Variants in GRID2 observed in about 807,000 individuals in gnomAD.
GRID2 encodes the protein glutamate ionotropic receptor delta type subunit 2, also known as glutamate receptor ionotropic, delta-2.
GRID2 carries 33 observed loss-of-function variants against 114.8 expected under a neutral mutation model. The ratio of observed to expected loss-of-function variants is 0.29; its 90% CI spans 0.22 to 0.38. GRID2 has a LOEUF of 0.38. Among genes scored for constraint, GRID2 ranks in the 10% least tolerant of loss-of-function variants. The pLI, the probability that GRID2 is intolerant of heterozygous loss-of-function variation, is 1.00. For missense variants in GRID2, 1,184 were observed against 1,257.7 expected, an observed-to-expected ratio of 0.94 and a Z score of 0.89; for synonymous variants, 505 against 449.9, an observed-to-expected ratio of 1.12 and a Z score of -1.55.
intron 2 of GRID2, among the ~76,000 whole-genome samples, chr4:92,641,159 A>G (rs1173847889): frequency 6.6e-6 from 1 of 151,800 alleles, no homozygotes; most frequent in Non-Finnish European, 1.5e-5. Context: ...CCTGGTATGG[A>G]GGAGATGAAC....
intron 2 of GRID2, among the ~76,000 whole-genome samples, chr4:92,663,563 C>T (rs1732622964): frequency 6.6e-6 from 1 of 151,094 alleles, no homozygotes; most frequent in African/African-American, 2.4e-5. Context: ...TTTTTGGAAG[C>T]ATCAATTTCA....
Position 92,706,394 on chromosome 4 carries a change from G to T in GRID2, c.244+116108G>T, listed in dbSNP as rs564563318. Among the ~76,000 whole-genome samples, 4 of 152,246 alleles carry T rather than the reference G, an allele frequency of 2.6e-5. No individual in the cohort carries two copies. The South Asian group carries it at 8.3e-4, about 32-fold the overall frequency. On this transcript the variant is annotated intron_variant, in intron 2 of 15. Transcript: ENST00000282020. ...ACTGATGTTTGTTATTTTAATAAAT[G>T]TCATGTGTATGGAGAGGTATCATCA...
chr4:93,543,522 G>A (rs1158217438), intron 13 of GRID2, among the ~76,000 whole-genome samples: 2 of 152,162 alleles, frequency 1.3e-5, no homozygotes, highest in African/African-American at 4.8e-5. Flanking sequence ...CAGCATGAAT[G>A]AGTGAAAATA....
intron 2 of GRID2, among the ~76,000 whole-genome samples, chr4:92,954,203 A>T (rs1752224333): frequency 6.6e-6 from 1 of 152,072 alleles, no homozygotes; most frequent in South Asian, 2.1e-4. Context: ...GTGTGTGTGT[A>T]TATATGTATA....
chr4:92,723,440 A>G (rs1735907015), intron 2 of GRID2, among the ~76,000 whole-genome samples: 2 of 152,180 alleles, frequency 1.3e-5, no homozygotes, highest in African/African-American at 4.8e-5. Flanking sequence ...GCATTTGAAC[A>G]AGAATAATGA....
intron 1 of GRID2, among the ~76,000 whole-genome samples, chr4:92,432,456 A>G (rs1732509073): frequency 6.6e-6 from 1 of 152,006 alleles, no homozygotes; most frequent in African/African-American, 2.4e-5. Context: ...AGCCAACCTG[A>G]AAGACAATGG....
intron 14 of GRID2, among the ~76,000 whole-genome samples, chr4:93,674,529 CCT>C (rs1472404848): frequency 6.6e-6 from 1 of 151,806 alleles, no homozygotes; most frequent in African/African-American, 2.4e-5. Flanking sequence ...CATTTCATTC[CCT>C]GTTTTGATTT....
At chr4:92,392,111 G>A (rs998615292) in intron 1 of GRID2, among the ~76,000 whole-genome samples, 1 of 152,080 alleles carries the variant, frequency 6.6e-6, no homozygotes, top group Non-Finnish European at 1.5e-5. Flanking sequence ...ATTGACCTAG[G>A]ATGCACTTCA....
rs571223234 is a variant in GRID2, at chr4:93,018,189, TATTTTA to T, written c.245-66798_245-66793del. Among the ~76,000 whole-genome samples, 392 of 149,598 alleles carry T rather than the reference TATTTTA, an allele frequency of 2.6e-3. 2 individuals are homozygous for T. Among genetic ancestry groups the T allele is most frequent in the African/African-American group, 9.3e-3 (373 of 40,306 alleles). ...TGCAATTTATGAAGAATAATTGTTT[TATTTTA>T]ATTTTAAGTTCCCAGTGTATTTTGT... On this transcript the variant is annotated intron_variant, in intron 2 of 15. Transcript: ENST00000282020.
intron 2 of GRID2, among the ~76,000 whole-genome samples, chr4:92,754,023 C>T (rs907702369): frequency 2.0e-5 from 3 of 152,168 alleles, no homozygotes; most frequent in African/African-American, 7.2e-5. Context: ...AAAACAACAA[C>T]ATAAACACAA....
intron 4 of GRID2, among the ~76,000 whole-genome samples, chr4:93,163,828 G>A (rs1414559659): frequency 6.6e-6 from 1 of 151,916 alleles, no homozygotes; most frequent in Non-Finnish European, 1.5e-5. Flanking sequence ...ACCTGCAAAT[G>A]CCCCTGTAAC....
At chr4:92,649,224 T>C (rs1173003235) in intron 2 of GRID2, among the ~76,000 whole-genome samples, 8 of 124,644 alleles carry the variant, frequency 6.4e-5, no homozygotes, top group Non-Finnish European at 8.6e-5. Context: ...CATATGACTA[T>C]GGAGGTAGAG....
intron 2 of GRID2, among the ~76,000 whole-genome samples, chr4:92,928,118 C>G (rs1243011451): frequency 6.6e-6 from 1 of 151,542 alleles, no homozygotes; most frequent in Admixed American, 6.6e-5. Flanking sequence ...CTTGAGAAAC[C>G]AACAGAGAAT....
At chr4:93,665,408 T>C (rs1723861498) in intron 14 of GRID2, among the ~76,000 whole-genome samples, 1 of 152,218 alleles carries the variant, frequency 6.6e-6, no homozygotes, top group Non-Finnish European at 1.5e-5. Context: ...AAATAAAGTT[T>C]TGTTTTATGT....
rs1306883730 is a variant in GRID2 at position 92,938,998 on chromosome 4, T to C, written c.245-145997T>C. The stretch of plus-strand genomic sequence containing the variant: ...ATTTGGGTGGGTTCCAAGTCTTTGC[T>C]ATTGTGAATAGTGCCGCAATAAACA... On this transcript the variant is annotated intron_variant, in intron 2 of 15. Transcript: ENST00000282020. 1.4e-5 allele frequency among the ~76,000 whole-genome samples: 2 copies of C among 146,902 alleles called. 1 individual carries two copies. The highest frequency in any genetic ancestry group is 3.0e-5 in the Non-Finnish European group (2 of 66,556).
rs538573274 is a variant in GRID2 at position 93,216,898 on chromosome 4, C to T, written c.950C>T (p.Ala317Val). ...TTGTGTGATCCAAAGGATCCATTTGCTCAGAATATGGAGGTATATTATAAA... is the reference window on the plus strand; with the variant it reads ...TTGTGTGATCCAAAGGATCCATTTGTTCAGAATATGGAGGTATATTATAAA... ...STLCDPKDPF[A>V]QNMEISNLYI... The change falls in exon 6 of 16, where the codon GCT becomes GTT. Residue 317 changes from alanine (A) to valine (V), a missense_variant. This residue lies in a region of GRID2 where 455 missense variants were observed against 429.5 expected (regional missense o/e 1.06). Transcript: ENST00000282020. 2.2e-5 allele frequency: 35 copies of T among 1,610,404 alleles called. No homozygotes were observed. In the South Asian group the frequency reaches 3.8e-4, roughly 18 times the overall value.
At chr4:93,126,260 A>G (rs1277668886) in intron 4 of GRID2, among the ~76,000 whole-genome samples, 2 of 152,058 alleles carry the variant, frequency 1.3e-5, no homozygotes, top group Non-Finnish European at 2.9e-5. Context: ...TTTTTTTCAA[A>G]TTGCCAGTTT....
chr4:92,933,317 T>C (rs533725284), intron 2 of GRID2, among the ~76,000 whole-genome samples: 5 of 151,520 alleles, frequency 3.3e-5, no homozygotes, highest in Non-Finnish European at 5.9e-5. Flanking sequence ...TGTTATCTAA[T>C]GTACCTTGAT....
intron 14 of GRID2, among the ~76,000 whole-genome samples, chr4:93,639,806 TC>T: frequency 8.1e-5 from 1 of 12,338 alleles, no homozygotes; most frequent in Non-Finnish European, 1.3e-4. Context: ...CTTTTTTGGT[TC>T]CATATGAACT....
Sources: allele counts gnomAD v4.1 joint callset (sites outside exome capture counted in the v4.1 genomes callset), GRCh38; gene constraint gnomAD v4.1.1; regional missense constraint gnomAD v4.1.1; transcripts MANE v1.5; gene names NCBI Gene and HGNC (gene_info 2026-07-23, HGNC 2026-07-21).